The following CFH variants were observed in gnomAD, a reference collection of about 807,000 sequenced individuals.
The protein encoded by CFH is H factor 1 (complement).
A neutral mutation model predicts 147.3 loss-of-function variants in CFH; 53 were observed. That is an observed-to-expected ratio of 0.36 (90% CI 0.29 to 0.45). The LOEUF is 0.45. Among genes scored for constraint, CFH ranks in the 20% least tolerant of loss-of-function variants. The pLI, the probability that CFH is intolerant of heterozygous loss-of-function variation, is 1.00. For missense variants in CFH, 1,380 were observed against 1,498.0 expected, an observed-to-expected ratio of 0.92 and a Z score of 1.30; for synonymous variants, 536 against 489.4, an observed-to-expected ratio of 1.10 and a Z score of -1.26.
Position 196,726,510 on chromosome 1 carries a change from T to G in CFH, c.1914T>G (p.Asn638Lys). Residue 638 changes from asparagine (N) to lysine (K), a missense_variant, in exon 13 of 22, where the codon AAT (asparagine) becomes AAG (lysine). By Grantham distance (94) the Asn-to-Lys change is moderately conservative. Transcript: ENST00000367429. ...GTGGTCCACCTCCTGAACTCCTCAA[T>G]GGGAATGTTAAGGAAAAAACGAAAG... ...QSCGPPPELLNGNVKEKTKEE... is the reference protein window; with the variant it reads ...QSCGPPPELLKGNVKEKTKEE... 6.2e-7 allele frequency: 1 copy of G among 1,612,688 alleles called. No homozygotes were observed. Among genetic ancestry groups the G allele is most frequent in the South Asian group, 1.1e-5 (1 of 91,052 alleles).
At chr1:196,715,461 T>G in intron 10 of CFH, 132 bp from the exon 11 acceptor site, 1 of 685,562 alleles carries the variant, frequency 1.5e-6, no homozygotes, top group Non-Finnish European at 2.5e-6. Context: ...TCACCAGTCA[T>G]AGATTATTTT....
Position 196,726,667 on chromosome 1 carries a change from A to T in CFH, c.2056+15A>T, listed in dbSNP as rs771494469. On this transcript the variant is annotated intron_variant, in intron 13 of 21. Transcript: ENST00000367429. ...AGTGTGTATTGGTAATGTATAAAATATTAATATTTAAACTTGTCAAAACTT... is the reference window on the plus strand; with the variant it reads ...AGTGTGTATTGGTAATGTATAAAATTTTAATATTTAAACTTGTCAAAACTT... The T allele has an allele frequency of 3.1e-6, 5 of 1,606,062 alleles. No individual in the cohort carries two copies. The highest frequency in any genetic ancestry group is 4.3e-6 in the Non-Finnish European group (5 of 1,173,308).
rs868863720 is a variant in CFH, at chr1:196,679,944, G to T, written c.790+151G>T. On this transcript the variant is annotated intron_variant, in intron 6 of 21. Coordinates refer to ENST00000367429, the MANE Select transcript of CFH (RefSeq NM_000186.4). The stretch of plus-strand genomic sequence containing the variant: ...AACATATAGCATTTTCTGTGTTCAA[G>T]GTTCATTTTGAGTACACTTCGTACG... The T allele has an allele frequency of 7.9e-5, 61 of 774,444 alleles. No homozygotes were observed. In the African/African-American group the frequency reaches 9.9e-4, roughly 13 times the overall value. The allele number at this position is 774,444 out of a possible 1,614,324, so 48.0% of individuals were successfully genotyped here.
chr1:196,694,068 A>G (rs1668163480), intron 9 of CFH, among the ~76,000 whole-genome samples: 1 of 151,496 alleles, frequency 6.6e-6, no homozygotes, highest in Non-Finnish European at 1.5e-5. Context: ...TACGTGTGCC[A>G]TGGTGGTTTG....
At chr1:196,745,791 T>G in intron 20 of CFH, 26 bp from the exon 21 acceptor site, 1 of 1,613,956 alleles carries the variant, frequency 6.2e-7, no homozygotes, top group Non-Finnish European at 8.5e-7. Flanking sequence ...TCACAACAAA[T>G]CAAGTGATGA....
At chr1:196,736,592 G>T (rs995347743) in intron 15 of CFH, among the ~76,000 whole-genome samples, 1 of 151,698 alleles carries the variant, frequency 6.6e-6, no homozygotes, top group Admixed American at 6.6e-5. Flanking sequence ...AAGTCTATGA[G>T]AATACAAGCC....
intron 7 of CFH, among the ~76,000 whole-genome samples, chr1:196,688,991 A>T (rs1254930970): frequency 6.6e-6 from 1 of 151,582 alleles, no homozygotes; most frequent in Non-Finnish European, 1.5e-5. Flanking sequence ...CTGAGAAGAA[A>T]ATGCAGGGCT....
intron 9 of CFH, among the ~76,000 whole-genome samples, chr1:196,690,627 C>T (rs1393998224): frequency 6.6e-6 from 1 of 151,952 alleles, no homozygotes; most frequent in Non-Finnish European, 1.5e-5. Context: ...GTTTAATAGG[C>T]AAAAGAAAGA....
intron 9 of CFH, among the ~76,000 whole-genome samples, chr1:196,695,253 T>G (rs1200445137): frequency 6.6e-6 from 1 of 152,222 alleles, no homozygotes; most frequent in Non-Finnish European, 1.5e-5. Context: ...GCACCATTTA[T>G]TCAATAGGGA....
chr1:196,713,563 G>A (rs757985052), intron 9 of CFH, among the ~76,000 whole-genome samples, 172 bp from the exon 10 acceptor site: 5 of 152,092 alleles, frequency 3.3e-5, no homozygotes, highest in Non-Finnish European at 1.5e-5. Context: ...TTGATGTAAT[G>A]TCTTTGGCAA....
At chr1:196,694,150 C>T (rs765171650) in intron 9 of CFH, among the ~76,000 whole-genome samples, 1 of 151,974 alleles carries the variant, frequency 6.6e-6, no homozygotes, top group Non-Finnish European at 1.5e-5. Context: ...TGCTCTCTCT[C>T]CCCTTTCCCC....
At chr1:196,669,374 C>T (rs1667200650) in intron 1 of CFH, among the ~76,000 whole-genome samples, 1 of 152,140 alleles carries the variant, frequency 6.6e-6, no homozygotes, top group South Asian at 2.1e-4. Flanking sequence ...AAAAATGTCT[C>T]CAGGGAATGT....
At chr1:196,704,769 C>A (rs1668546268) in intron 9 of CFH, among the ~76,000 whole-genome samples, 1 of 152,200 alleles carries the variant, frequency 6.6e-6, no homozygotes, top group South Asian at 2.1e-4. Context: ...ACATACCTGT[C>A]TTGCCAGGAC....
chr1:196,735,676 A>G (rs1285642924), intron 15 of CFH, among the ~76,000 whole-genome samples: 1 of 152,104 alleles, frequency 6.6e-6, no homozygotes, highest in African/African-American at 2.4e-5. Context: ...CAACAAAAAT[A>G]GAAGGAAAGA....
intron 9 of CFH, among the ~76,000 whole-genome samples, chr1:196,710,385 G>A (rs1250389200): frequency 6.6e-6 from 1 of 152,102 alleles, no homozygotes; most frequent in Non-Finnish European, 1.5e-5. Context: ...TAACAAAATA[G>A]AATAGAAGCT....
chr1:196,673,253 T>A, intron 2 of CFH, 90 bp downstream of exon 2: 1 of 1,152,098 alleles, frequency 8.7e-7, no homozygotes. Flanking sequence ...CTGAATTATA[T>A]CACTATTGCC....
intron 11 of CFH, among the ~76,000 whole-genome samples, chr1:196,718,125 T>C (rs1668915124): frequency 6.6e-6 from 1 of 152,114 alleles, no homozygotes; most frequent in Non-Finnish European, 1.5e-5. Context: ...TCATTCCTGC[T>C]GTTGTAAACA....
intron 1 of CFH, among the ~76,000 whole-genome samples, chr1:196,658,256 T>C (rs1376828443): frequency 6.6e-6 from 1 of 152,000 alleles, no homozygotes; most frequent in African/African-American, 2.4e-5. Context: ...AGTATTATTC[T>C]TACTTTTTTG....
chr1:196,710,780 T>C (rs1173968520), intron 9 of CFH, among the ~76,000 whole-genome samples: 5 of 44,922 alleles, frequency 1.1e-4, no homozygotes, highest in Non-Finnish European at 2.1e-4. Context: ...CTTACCCTAG[T>C]TTTTTTTATT....
Sources: allele counts gnomAD v4.1 joint callset (sites outside exome capture counted in the v4.1 genomes callset), GRCh38; gene constraint gnomAD v4.1.1; transcripts MANE v1.5; gene names NCBI Gene and HGNC (gene_info 2026-07-23, HGNC 2026-07-21).